Variants in DPP10 observed in about 807,000 individuals in gnomAD.
The protein encoded by DPP10 is dipeptidyl peptidase like 10.
A neutral mutation model predicts 120.9 loss-of-function variants in DPP10; 33 were observed. The observed-to-expected ratio is 0.27, with a 90% CI of 0.21 to 0.37. The LOEUF (loss-of-function observed/expected upper bound fraction) is 0.37. Among genes scored for constraint, DPP10 ranks in the 10% least tolerant of loss-of-function variants. The pLI, the probability that DPP10 is intolerant of heterozygous loss-of-function variation, is 1.00. For synonymous variants in DPP10, 337 were observed against 326.1 expected (o/e 1.03, Z -0.36); for missense variants, 816 against 942.8 (o/e 0.87, Z 1.76).
Position 115,728,007 on chromosome 2 carries a change from C to A in DPP10, c.697+71C>A, listed in dbSNP as rs370271811. 5.4e-5 allele frequency: 82 copies of A among 1,505,706 alleles called. 2 individuals are homozygous for A. In the African/African-American group the frequency reaches 9.7e-4, roughly 18 times the overall value. The allele number at this position is 1,505,706 out of a possible 1,614,324, so 93.3% of individuals were successfully genotyped here. Reference sequence around the variant, plus strand: ...TTATACAAAATCTACCAAAAAAAATCTATTCATTCCGGAGCAATACTTACA... The same window carrying A: ...TTATACAAAATCTACCAAAAAAAATATATTCATTCCGGAGCAATACTTACA... On this transcript the variant is annotated intron_variant, in intron 8 of 25. Transcript: ENST00000410059.
At chr2:114,477,287 T>C (rs1160889339) in intron 1 of DPP10, among the ~76,000 whole-genome samples, 1 of 152,072 alleles carries the variant, frequency 6.6e-6, no homozygotes, top group Non-Finnish European at 1.5e-5. Context: ...CACTCTTTTG[T>C]GACTGGCTTC....
rs1682291473 is a variant in DPP10 at position 115,777,801 on chromosome 2, C to T, written c.1328C>T (p.Thr443Ile). 1.2e-6 allele frequency: 2 copies of T among 1,613,134 alleles called. No homozygotes were observed. Among genetic ancestry groups the T allele is most frequent in the African/African-American group, 1.3e-5 (1 of 74,840 alleles). Residue 443 changes from threonine (T) to isoleucine (I), a missense_variant, in exon 15 of 26, where the codon ACT becomes ATT. By Grantham distance (89) the Thr-to-Ile change is moderately conservative. This residue lies in a region of DPP10 where 592 missense variants were observed against 649.0 expected (regional missense o/e 0.91). Transcript: ENST00000410059. ...ETTQKIYFLS[T>I]ESSPRGRQLY... Reference sequence around the variant, plus strand: ...TTCCTGGACAGTTACTTTCTGAGCACTGAATCTTCTCCCAGAGGAAGGCAG... The same window carrying T: ...TTCCTGGACAGTTACTTTCTGAGCATTGAATCTTCTCCCAGAGGAAGGCAG...
intron 1 of DPP10, among the ~76,000 whole-genome samples, chr2:114,894,239 A>G (rs1193588987): frequency 6.6e-6 from 1 of 152,214 alleles, no homozygotes; most frequent in East Asian, 1.9e-4. Context: ...TTTACACAAT[A>G]CAAACCAGAA....
chr2:115,084,546 T>C (rs1708538578), intron 1 of DPP10, among the ~76,000 whole-genome samples: 1 of 152,234 alleles, frequency 6.6e-6, no homozygotes, highest in African/African-American at 2.4e-5. Flanking sequence ...TTGAATTTCC[T>C]GGGCAAGTGT....
At chr2:114,594,909 A>G (rs961856675) in intron 1 of DPP10, among the ~76,000 whole-genome samples, 2 of 151,588 alleles carry the variant, frequency 1.3e-5, no homozygotes, top group African/African-American at 4.9e-5. Context: ...TGTTCCTTCC[A>G]TTAGTCTGTC....
At chr2:115,735,684 A>ATT (rs70941095) in intron 8 of DPP10, among the ~76,000 whole-genome samples, 3,795 of 62,494 alleles carry the variant, frequency 0.061, 366 homozygotes, top group South Asian at 0.081. Flanking sequence ...CGCCCAGCTA[A>ATT]TTTTTTTTTT....
intron 3 of DPP10, among the ~76,000 whole-genome samples, chr2:115,380,448 CT>C (rs1297888712): frequency 6.6e-6 from 1 of 152,144 alleles, no homozygotes; most frequent in Non-Finnish European, 1.5e-5. Context: ...ATGTGTGTCT[CT>C]GCATGTGAGA....
At chr2:114,970,597 C>A (rs1429220313) in intron 1 of DPP10, among the ~76,000 whole-genome samples, 1 of 152,154 alleles carries the variant, frequency 6.6e-6, no homozygotes, top group Non-Finnish European at 1.5e-5. Context: ...ACTTTACCTA[C>A]AACCATGCCA....
chr2:115,394,564 A>T (rs1463037999), intron 3 of DPP10, among the ~76,000 whole-genome samples: 1 of 152,140 alleles, frequency 6.6e-6, no homozygotes, highest in Non-Finnish European at 1.5e-5. Context: ...ATTTTTTAAA[A>T]GTATTTATCC....
At chr2:115,206,532 A>G (rs774654616) in intron 1 of DPP10, among the ~76,000 whole-genome samples, 9 of 152,152 alleles carry the variant, frequency 5.9e-5, no homozygotes, top group Non-Finnish European at 1.2e-4. Context: ...AACCATGTCT[A>G]TTTGCTTTTT....
chr2:115,380,173 A>G (rs928417466), intron 3 of DPP10, among the ~76,000 whole-genome samples: 9 of 151,984 alleles, frequency 5.9e-5, no homozygotes, highest in Admixed American at 3.9e-4. Context: ...CTCATTATTA[A>G]TGTGTGGGAG....
chr2:115,811,430 C>A (rs1052906186), intron 19 of DPP10, among the ~76,000 whole-genome samples: 4 of 152,162 alleles, frequency 2.6e-5, no homozygotes, highest in African/African-American at 9.7e-5. Flanking sequence ...TTTTAAAAAA[C>A]CTGTTGCCAT....
chr2:114,942,320 T>TATACAC (rs869121143), intron 1 of DPP10, among the ~76,000 whole-genome samples: 4 of 123,980 alleles, frequency 3.2e-5, no homozygotes, highest in African/African-American at 6.2e-5. Flanking sequence ...TATATATATA[T>TATACAC]ACACACACAT....
intron 1 of DPP10, among the ~76,000 whole-genome samples, chr2:114,555,570 A>G (rs1371106509): frequency 6.6e-6 from 1 of 152,226 alleles, no homozygotes; most frequent in East Asian, 1.9e-4. Context: ...CAACAGAGAT[A>G]ATTAAGTACC....
At chr2:115,449,671 G>A (rs1377469269) in intron 3 of DPP10, among the ~76,000 whole-genome samples, 3 of 151,940 alleles carry the variant, frequency 2.0e-5, no homozygotes, top group South Asian at 2.1e-4. Context: ...GAGGCTTGAC[G>A]GAGACTTTGA....
chr2:114,840,357 G>A (rs867568668), intron 1 of DPP10, among the ~76,000 whole-genome samples: 5 of 152,204 alleles, frequency 3.3e-5, no homozygotes, highest in South Asian at 2.1e-4. Flanking sequence ...AATGGAGGGC[G>A]AGGGGCATTC....
At chr2:115,396,849 G>A (rs147788829) in intron 3 of DPP10, among the ~76,000 whole-genome samples, 2 of 151,912 alleles carry the variant, frequency 1.3e-5, no homozygotes, top group African/African-American at 2.4e-5. Context: ...AAGGAAAAAC[G>A]AACCAAGGAA....
At chr2:115,614,936 C>T (rs1368894640) in intron 5 of DPP10, among the ~76,000 whole-genome samples, 1 of 151,920 alleles carries the variant, frequency 6.6e-6, no homozygotes, top group African/African-American at 2.4e-5. Context: ...AACAAATTGC[C>T]CTCAATTCCC....
intron 1 of DPP10, among the ~76,000 whole-genome samples, chr2:115,130,543 T>TCCA (rs1395414243): frequency 6.0e-5 from 9 of 148,784 alleles, no homozygotes; most frequent in Admixed American, 3.9e-4. Flanking sequence ...CATCCATCCA[T>TCCA]TCATCTTCAG....
Sources: allele counts gnomAD v4.1 joint callset (sites outside exome capture counted in the v4.1 genomes callset), GRCh38; gene constraint gnomAD v4.1.1; regional missense constraint gnomAD v4.1.1; transcripts MANE v1.5; gene names NCBI Gene and HGNC (gene_info 2026-07-23, HGNC 2026-07-21).